The following WNK2 variants were observed in gnomAD, a reference collection of about 807,000 sequenced individuals.
WNK2 encodes WNK lysine deficient protein kinase 2.
Under a neutral mutation model 192.1 loss-of-function variants are expected in WNK2, and 67 were observed. That is an observed-to-expected ratio of 0.35 (90% confidence interval 0.29 to 0.43). WNK2 has a LOEUF of 0.43. Among genes scored for constraint, WNK2 ranks in the 20% least tolerant of loss-of-function variants. The probability of loss-of-function intolerance (pLI) is 1.00; values close to 1 mark genes in which losing one functional copy is unlikely to be tolerated. For synonymous variants in WNK2, 1,439 were observed against 1,393.9 expected, an observed-to-expected ratio of 1.03 and a Z score of -0.72; for missense variants, 2,698 against 3,089.7, an observed-to-expected ratio of 0.87 and a Z score of 3.01.
At chr9:93,208,240 A>G (rs1833747978) in intron 2 of WNK2, among the ~76,000 whole-genome samples, 1 of 152,208 alleles carries the variant, frequency 6.6e-6, no homozygotes, top group Non-Finnish European at 1.5e-5. Context: ...GTTTCCACTG[A>G]AAGTGGAGTT....
intron 7 of WNK2, among the ~76,000 whole-genome samples, chr9:93,242,508 C>G (rs577502287): frequency 6.6e-6 from 1 of 152,372 alleles, no homozygotes; most frequent in East Asian, 1.9e-4. Flanking sequence ...CCTGTGACTT[C>G]AGGTGCACCA....
intron 2 of WNK2, among the ~76,000 whole-genome samples, chr9:93,223,253 T>A (rs1837233714): frequency 6.6e-6 from 1 of 152,210 alleles, no homozygotes; most frequent in South Asian, 2.1e-4. Context: ...GCAGGCCCAG[T>A]GCCTGCCTCT....
At chr9:93,250,039 G>GAGT (rs1319832462) in intron 8 of WNK2, among the ~76,000 whole-genome samples, 2 of 149,626 alleles carry the variant, frequency 1.3e-5, no homozygotes, top group African/African-American at 4.9e-5. Flanking sequence ...TCAGCCTCCT[G>GAGT]AGTAGCTGGG....
intron 2 of WNK2, among the ~76,000 whole-genome samples, chr9:93,219,927 C>T (rs529624911): frequency 3.3e-5 from 5 of 152,256 alleles, no homozygotes; most frequent in Non-Finnish European, 4.4e-5. Flanking sequence ...ATCCAGGCCC[C>T]ACCCTGCTTA....
Position 93,238,339 on chromosome 9 carries a change from G to T in WNK2, c.1322+18G>T, listed in dbSNP as rs373990656. ...GAGGAAAGGTGAGTTCCCCTGAAGGGCTGGGTTCTGGGGTCCATCTCCAGC... is the reference window on the plus strand; with the variant it reads ...GAGGAAAGGTGAGTTCCCCTGAAGGTCTGGGTTCTGGGGTCCATCTCCAGC... On this transcript the variant is annotated intron_variant, in intron 6 of 29. Transcript: ENST00000427277. The T allele has an allele frequency of 2.5e-6, 4 of 1,606,234 alleles. No homozygotes were observed. The African/African-American group carries it at 5.3e-5, about 21-fold the overall frequency.
intron 13 of WNK2, among the ~76,000 whole-genome samples, 172 bp downstream of exon 13, chr9:93,262,279 C>T (rs1372046633): frequency 1.3e-5 from 2 of 152,238 alleles, no homozygotes; most frequent in Non-Finnish European, 2.9e-5. Context: ...TAAGCCACAT[C>T]AAGACAGAGG....
In WNK2 at chr9:93,185,032, C is replaced by T; in HGVS notation, c.103C>T (p.Arg35Trp). The T allele has an allele frequency of 2.4e-6, 3 of 1,261,052 alleles. No individual in the cohort carries two copies. Among genetic ancestry groups the T allele is most frequent in the Admixed American group, 4.1e-5 (1 of 24,220 alleles). 78.1% of individuals were successfully genotyped at this position (1,261,052 alleles called of 1,614,324 possible). Residue 35 changes from arginine to tryptophan, a missense_variant, in exon 2 of 30, where the codon CGG becomes TGG. Around this residue, in one of 7 missense-constraint regions of WNK2, gnomAD observed 260 missense variants for 285.6 expected, o/e 0.91. Transcript: ENST00000427277. ...GGCGGAGCCTCGGGCGAAGGCGGCG[C>T]GGCCGGGGCCCCAGCGCTTTCTGCG... is the stretch of plus-strand genomic sequence containing the variant. ...GMAEPRAKAA[R>W]PGPQRFLRRS...
chr9:93,249,165 T>A (rs1316227221), intron 8 of WNK2, among the ~76,000 whole-genome samples: 1 of 152,250 alleles, frequency 6.6e-6, no homozygotes, highest in African/African-American at 2.4e-5. Context: ...ATTCTTCACA[T>A]CTGACACAGC....
At chr9:93,262,236 G>T (rs1320977813) in intron 13 of WNK2, 129 bp downstream of exon 13, 2 of 1,124,552 alleles carry the variant, frequency 1.8e-6, no homozygotes, top group Admixed American at 2.9e-5. Context: ...CCCAGGTTCT[G>T]TTCTCACCTC....
chr9:93,293,465 G>A (rs983069003), intron 23 of WNK2, among the ~76,000 whole-genome samples: 1 of 152,070 alleles, frequency 6.6e-6, no homozygotes, highest in African/African-American at 2.4e-5. Context: ...GACTACAGGT[G>A]CCTGCCACCA....
At chr9:93,298,891 C>CT (rs1314186154) in intron 24 of WNK2, among the ~76,000 whole-genome samples, 179 bp from the exon 25 acceptor site, 1 of 152,222 alleles carries the variant, frequency 6.6e-6, no homozygotes, top group Non-Finnish European at 1.5e-5. Context: ...AGACTGGGCA[C>CT]TTTCTTTGCT....
chr9:93,218,632 C>G (rs915507977), intron 2 of WNK2, among the ~76,000 whole-genome samples: 1 of 152,172 alleles, frequency 6.6e-6, no homozygotes, highest in East Asian at 1.9e-4. Flanking sequence ...GCCGAGGGTT[C>G]GAGCAGACAT....
In WNK2 at chr9:93,258,032, C is replaced by CT. The variant is rs1280938162; in HGVS notation, c.2383-895dup. Among the ~76,000 whole-genome samples, 9 of 152,332 alleles carry CT rather than the reference C, an allele frequency of 5.9e-5. No homozygotes were observed. The East Asian group carries it at 1.7e-3, about 29-fold the overall frequency. On this transcript the variant is annotated intron_variant, in intron 11 of 29. Transcript: ENST00000427277. The stretch of plus-strand genomic sequence containing the variant: ...ATTCACGAGCCCCACCTGGAAGATT[C>CT]TTTTGTGTTGTCTCACCCTGCTCAG...
rs149790710 is a variant in WNK2, at chr9:93,224,848, G to A, written c.682-4848G>A. On this transcript the variant is annotated intron_variant, in intron 2 of 29. Transcript: ENST00000427277. ...ACTCAACACCAAACCTTTAAGCACC[G>A]TGTGAGTCTGGCAGGATTTGGAAAT... Among the ~76,000 whole-genome samples, 10 of 152,316 alleles carry A rather than the reference G, an allele frequency of 6.6e-5. No homozygotes were observed. The South Asian group carries it at 1.7e-3, about 25-fold the overall frequency.
chr9:93,190,660 T>C (rs1830184447), intron 2 of WNK2, among the ~76,000 whole-genome samples: 1 of 152,368 alleles, frequency 6.6e-6, no homozygotes, highest in South Asian at 2.1e-4. Flanking sequence ...CCTTCCGTGG[T>C]GGCAGAAACA....
chr9:93,256,913 G>T (rs773832010), intron 10 of WNK2, 35 bp from the exon 11 acceptor site: 6 of 1,520,370 alleles, frequency 3.9e-6, no homozygotes, highest in Non-Finnish European at 5.3e-6. Context: ...TGGGCAGATT[G>T]GTGGTCTAAG....
At chr9:93,204,631 C>T (rs936355335) in intron 2 of WNK2, among the ~76,000 whole-genome samples, 1 of 152,252 alleles carries the variant, frequency 6.6e-6, no homozygotes, top group African/African-American at 2.4e-5. Flanking sequence ...TGAGCCATCA[C>T]GGGCTAGGTG....
intron 9 of WNK2, among the ~76,000 whole-genome samples, chr9:93,254,601 T>C (rs779507165): frequency 2.6e-5 from 4 of 152,230 alleles, no homozygotes; most frequent in Admixed American, 6.5e-5. Context: ...TCATTTGCAA[T>C]TTGCATTTGC....
Position 93,289,266 on chromosome 9 carries a change from G to A in WNK2, c.4512G>A (p.Val1504=). ...CTGCTCCCCTGCTTCCTGCCGCAGTGGGGGCCGTCAGCCTGGCCACCTCCC... is the reference window on the plus strand; with the variant it reads ...CTGCTCCCCTGCTTCCTGCCGCAGTAGGGGCCGTCAGCCTGGCCACCTCCC... ...GQPAPLLPAA[V]GAVSLATSQL... Residue 1504 remains valine, a synonymous_variant, in exon 20 of 30, where the codon GTG becomes GTA. Transcript: ENST00000427277. 3.1e-6 allele frequency: 5 copies of A among 1,600,648 alleles called. No individual in the cohort carries two copies. Among genetic ancestry groups the A allele is most frequent in the Non-Finnish European group, 4.3e-6 (5 of 1,175,158 alleles).
Sources: allele counts gnomAD v4.1 joint callset (sites outside exome capture counted in the v4.1 genomes callset), GRCh38; gene constraint gnomAD v4.1.1; regional missense constraint gnomAD v4.1.1; transcripts MANE v1.5; gene names NCBI Gene and HGNC (gene_info 2026-07-23, HGNC 2026-07-21).